TNC: variants seen among roughly 807,000 people sequenced by gnomAD.
The protein encoded by TNC is tenascin C, also known as tenascin.
A neutral mutation model predicts 202.4 loss-of-function variants in TNC; 109 were observed. That is an observed-to-expected ratio of 0.54 (90% CI 0.46 to 0.63). TNC has a LOEUF of 0.63. TNC is among the 30% of genes least tolerant of loss of function. The pLI is 0.00. For synonymous variants in TNC, 1,007 were observed against 1,089.7 expected (o/e 0.92, Z 1.50); for missense variants, 2,756 against 2,833.3 (o/e 0.97, Z 0.62).
rs1332197858 is a variant in TNC at position 115,059,718 on chromosome 9, G to A, written c.4306+12C>T. 1 of 1,567,416 alleles carries A rather than the reference G, an allele frequency of 6.4e-7. No individual in the cohort carries two copies. The highest frequency in any genetic ancestry group is 8.6e-7 in the Non-Finnish European group (1 of 1,156,438). Reference sequence around the variant, plus strand: ...ACCTTGGGGAGAAAGCATTGACAGGGAGAGGAAGTACCTGTGGAGGCCTCA... The same window carrying A: ...ACCTTGGGGAGAAAGCATTGACAGGAAGAGGAAGTACCTGTGGAGGCCTCA... On this transcript the variant is annotated intron_variant, in intron 14 of 27. Transcript: ENST00000350763.
chr9:115,070,469 G>A (rs1424332857), intron 10 of TNC, among the ~76,000 whole-genome samples: 1 of 152,252 alleles, frequency 6.6e-6, no homozygotes, highest in Non-Finnish European at 1.5e-5. Flanking sequence ...CAGAGGATGG[G>A]CTGGCCGTGC....
chr9:115,109,684 A>G (rs1355110074), intron 1 of TNC, among the ~76,000 whole-genome samples: 1 of 152,184 alleles, frequency 6.6e-6, no homozygotes, highest in Non-Finnish European at 1.5e-5. Context: ...AATCCAAAGC[A>G]ATTTGTGTTT....
intron 10 of TNC, among the ~76,000 whole-genome samples, chr9:115,071,439 C>T (rs1833461618): frequency 6.6e-6 from 1 of 152,202 alleles, no homozygotes; most frequent in Admixed American, 6.5e-5. Context: ...ATGGGGCTCT[C>T]ATTCAGAAAC....
chr9:115,048,602 C>G lies in TNC; in HGVS notation c.4580-70G>C. Reference sequence around the variant, plus strand: ...ACTCTGTCAGGATAGCACACGTTTCCAAGAACACCAATAGATACCCAAGTC... The same window carrying G: ...ACTCTGTCAGGATAGCACACGTTTCGAAGAACACCAATAGATACCCAAGTC... On this transcript the variant is annotated intron_variant, in intron 15 of 27. Transcript: ENST00000350763. The G allele has an allele frequency of 2.1e-6, 3 of 1,446,644 alleles. No individual in the cohort carries two copies. The South Asian group carries it at 4.0e-5, about 19-fold the overall frequency. The allele number at this position is 1,446,644 out of a possible 1,614,324, so 89.6% of individuals were successfully genotyped here.
At chr9:115,031,887 G>A (rs371765228) in intron 22 of TNC, among the ~76,000 whole-genome samples, 1 of 152,282 alleles carries the variant, frequency 6.6e-6, no homozygotes, top group South Asian at 2.1e-4. Context: ...ACAAGCAAAG[G>A]TCCTTGGGCC....
At chr9:115,038,469 C>A (rs1588027543) in intron 19 of TNC, 89 bp from the exon 20 acceptor site, 1 of 1,511,372 alleles carries the variant, frequency 6.6e-7, no homozygotes, top group East Asian at 2.4e-5. Context: ...TTATGGAGTC[C>A]TGATGTTAGG....
In TNC at chr9:115,090,896, C is replaced by A; in HGVS notation, c.123G>T (p.Leu41=). The change falls in exon 2 of 28, where the codon CTG becomes CTT. Residue 41 remains leucine (L), a synonymous_variant. Transcript: ENST00000350763. ...ACACCACTGGCTGGTTCTCTTCTGG[C>A]AGGGTGGCGTTCACCCCACTCTGTC... ...HKRQSGVNAT[L]PEENQPVVFN... is the part of the protein sequence containing the mutation. 1 of 1,614,198 alleles carries A rather than the reference C, an allele frequency of 6.2e-7. No individual in the cohort carries two copies. The highest frequency in any genetic ancestry group is 8.5e-7 in the Non-Finnish European group (1 of 1,180,040).
In TNC at chr9:115,021,050, A is replaced by C; in HGVS notation, c.*107T>G. The C allele has an allele frequency of 1.1e-6, 1 of 887,126 alleles. No individual in the cohort carries two copies. Among genetic ancestry groups the C allele is most frequent in the South Asian group, 1.7e-5 (1 of 59,628 alleles). The allele number at this position is 887,126 out of a possible 1,614,324, so 55.0% of individuals were successfully genotyped here. A position where few individuals can be genotyped will look rare whatever the true frequency, so the allele number is the denominator to read the frequency against. On this transcript the variant is annotated 3_prime_UTR_variant, in exon 28 of 28. Transcript: ENST00000350763. The stretch of plus-strand genomic sequence containing the variant: ...TCCATGGTCAGCTTTGACTCTCACC[A>C]AATGCCCAGGTGTGGACCGATGGTT...
intron 16 of TNC, among the ~76,000 whole-genome samples, chr9:115,047,984 G>T (rs1036378293): frequency 7.2e-5 from 11 of 152,110 alleles, no homozygotes; most frequent in African/African-American, 2.7e-4. Context: ...GATGATATGA[G>T]GTAAGCACAC....
At position 115,084,432 on chromosome 9, in the gene TNC, T is replaced by G. The variant is rs538274465; in HGVS notation, c.1908A>C (p.Glu636Asp). The G allele has an allele frequency of 2.5e-5, 40 of 1,614,184 alleles. No homozygotes were observed. The South Asian group carries it at 3.7e-4, about 15-fold the overall frequency. ...PKDLVVTEVT[E>D]ETVNLAWDNE... Reference sequence around the variant, plus strand: ...TGTCCCAGGCCAGGTTGACCGTCTCTTCCGTCACTTCTGTCACAACGAGGT... The same window carrying G: ...TGTCCCAGGCCAGGTTGACCGTCTCGTCCGTCACTTCTGTCACAACGAGGT... Residue 636 changes from glutamate to aspartate, a missense_variant, in exon 4 of 28, where the codon GAA becomes GAC. Glu to Asp is a conservative substitution (Grantham distance 45). This residue lies in a region of TNC where 2,559 missense variants were observed against 2,546.0 expected (regional missense o/e 1.01). Transcript: ENST00000350763.
At chr9:115,115,552 C>A (rs1207648165) in intron 1 of TNC, among the ~76,000 whole-genome samples, 8 of 152,176 alleles carry the variant, frequency 5.3e-5, no homozygotes, top group Admixed American at 3.3e-4. Context: ...AGAGAGTAGG[C>A]TCATCATATA....
intron 13 of TNC, among the ~76,000 whole-genome samples, chr9:115,061,946 G>C (rs1446113648): frequency 6.6e-6 from 1 of 152,202 alleles, no homozygotes; most frequent in Non-Finnish European, 1.5e-5. Flanking sequence ...TTTTGTATCT[G>C]TTGAGGAGAG....
rs1324897779 is a variant in TNC, at chr9:115,048,428, T to C, written c.4684A>G (p.Thr1562Ala). Reference protein sequence around the residue: ...SENAFDSFLVTVVDSGKLLDP... With the variant: ...SENAFDSFLVAVVDSGKLLDP... ...AGCAGCTTCCCAGAATCCACCACCG[T>C]TACTAGAAAGCTGTCAAAGGCATTC... Residue 1562 changes from threonine (T) to alanine (A), a missense_variant, in exon 16 of 28, where the codon ACG becomes GCG. Physicochemically the swap from Thr to Ala is moderately conservative, Grantham distance 58. Coordinates refer to ENST00000350763, the MANE Select transcript of TNC (RefSeq NM_002160.4). 2 of 1,613,910 alleles carry C rather than the reference T, an allele frequency of 1.2e-6. No homozygotes were observed. The highest frequency in any genetic ancestry group is 1.3e-5 in the African/African-American group (1 of 74,900).
chr9:115,065,644 G>C (rs1414669783), intron 10 of TNC, among the ~76,000 whole-genome samples: 2 of 152,012 alleles, frequency 1.3e-5, no homozygotes. Context: ...GCTCTTCTTA[G>C]ATACCCTTCT....
At chr9:115,070,849 C>G (rs566710911) in intron 10 of TNC, among the ~76,000 whole-genome samples, 1 of 152,316 alleles carries the variant, frequency 6.6e-6, no homozygotes, top group South Asian at 2.1e-4. Context: ...TTCTTTCTTC[C>G]TCTATGCTTA....
chr9:115,059,977 T>C lies in TNC; in HGVS notation c.4059A>G (p.Leu1353=). The C allele has an allele frequency of 6.2e-7, 1 of 1,613,774 alleles. No homozygotes were observed. The highest frequency in any genetic ancestry group is 8.5e-7 in the Non-Finnish European group (1 of 1,179,820). The change falls in exon 14 of 28, where the codon TTA becomes TTG. Residue 1353 remains leucine, a synonymous_variant. Transcript: ENST00000350763. The stretch of plus-strand genomic sequence containing the variant: ...CATCCCAGCCAACCTCAGACACGGC[T>C]AAATCTCCCAGCTGTGGGAGATCCT... The part of the protein sequence containing the change: ...VTEDLPQLGD[L]AVSEVGWDGL...
chr9:115,060,465 T>A (rs1382828034), intron 13 of TNC, among the ~76,000 whole-genome samples: 2 of 152,212 alleles, frequency 1.3e-5, no homozygotes, highest in East Asian at 3.9e-4. Flanking sequence ...TACCTTTAAA[T>A]GGAGTTGATG....
At chr9:115,094,098 A>G (rs545331284) in intron 1 of TNC, among the ~76,000 whole-genome samples, 5 of 152,342 alleles carry the variant, frequency 3.3e-5, no homozygotes, top group African/African-American at 9.6e-5. Flanking sequence ...CAAAGGAGTC[A>G]AAACCTTTCC....
chr9:115,072,975 A>G (rs3789871), intron 10 of TNC, among the ~76,000 whole-genome samples: 14,856 of 152,208 alleles, frequency 0.098, 782 homozygotes, highest in Middle Eastern at 0.16. Context: ...ATGGGCCAGA[A>G]TGGACACAAG....
Sources: gnomAD v4.1 joint callset for allele counts (sites outside exome capture counted in the v4.1 genomes callset) on GRCh38, gnomAD v4.1.1 for gene constraint, gnomAD v4.1.1 regional missense constraint, MANE v1.5 for transcripts, NCBI Gene and HGNC (gene_info 2026-07-23, HGNC 2026-07-21) for gene names.